The following ZNF461 variants were observed in gnomAD, a reference collection of about 807,000 sequenced individuals.
ZNF461 encodes gonadotropin-inducible ovarian transcription factor-1.
In ZNF461, 16 loss-of-function variants were observed where a neutral mutation model predicts 18.3. The observed-to-expected ratio is 0.88, with a 90% CI of 0.59 to 1.33. The LOEUF (loss-of-function observed/expected upper bound fraction) is 1.33, where lower values mean the gene tolerates loss of function less well. Among genes scored for constraint, ZNF461 ranks in the 40% most tolerant of loss-of-function variants. The pLI is 0.00. For missense variants in ZNF461, 595 were observed against 669.9 expected, an observed-to-expected ratio of 0.89 and a Z score of 1.23; for synonymous variants, 179 against 216.9, an observed-to-expected ratio of 0.83 and a Z score of 1.54.
At chr19:36,654,932 T>C (rs2037690444) in intron 4 of ZNF461, among the ~76,000 whole-genome samples, 1 of 152,174 alleles carries the variant, frequency 6.6e-6, no homozygotes, top group East Asian at 1.9e-4. Context: ...ATTGAAAACG[T>C]CTCTATAACA....
intron 1 of ZNF461, among the ~76,000 whole-genome samples, chr19:36,666,095 GTTTTTTTT>G (rs111371703): frequency 7.1e-6 from 1 of 141,432 alleles, no homozygotes; most frequent in East Asian, 2.1e-4. Context: ...ATGTTTTTTT[GTTTTTTTT>G]TTTTTGAGAC....
chr19:36,656,622 A>C, intron 3 of ZNF461, 79 bp from the exon 4 acceptor site: 1 of 1,154,644 alleles, frequency 8.7e-7, no homozygotes, highest in Non-Finnish European at 1.2e-6. Context: ...ATTAAAATAA[A>C]AATAAATCAC....
chr19:36,639,092 C>T lies in ZNF461; in HGVS notation c.1253G>A (p.Cys418Tyr), dbSNP rs2037359748. Reference sequence around the variant, plus strand: ...TAAGCCATCACAAAAAGCCTTCCCACATTCATGACATTCATAAGGTTTCTT... The same window carrying T: ...TAAGCCATCACAAAAAGCCTTCCCATATTCATGACATTCATAAGGTTTCTT... ...SGKKPYECHE[C>Y]GKAFCDGLQL... Residue 418 changes from cysteine (C) to tyrosine (Y), a missense_variant, in exon 6 of 6, where the codon TGT becomes TAT. By Grantham distance (194) the Cys-to-Tyr change is radical (BLOSUM62 -2). Coordinates refer to ENST00000588268, the MANE Select transcript of ZNF461 (RefSeq NM_153257.5). The T allele has an allele frequency of 6.2e-7, 1 of 1,613,054 alleles. No homozygotes were observed. Among genetic ancestry groups the T allele is most frequent in the Non-Finnish European group, 8.5e-7 (1 of 1,179,874 alleles).
chr19:36,639,212 A>G lies in ZNF461; in HGVS notation c.1133T>C (p.Ile378Thr). Residue 378 changes from isoleucine (I) to threonine (T), a missense_variant, in exon 6 of 6, where the codon ATT (isoleucine) becomes ACT (threonine). Physicochemically the swap from Ile to Thr is moderately conservative, Grantham distance 89. Transcript: ENST00000588268. ...TTCATAGGGTTTCTCACCAGTATGA[A>G]TTCTCTGATGTATAGTAAGATGTGA... is the stretch of plus-strand genomic sequence containing the variant. ...HRSHLTIHQR[I>T]HTGEKPYECR... is the part of the protein sequence containing the mutation. The G allele has an allele frequency of 1.2e-6, 2 of 1,614,154 alleles. No individual in the cohort carries two copies. The highest frequency in any genetic ancestry group is 1.7e-6 in the Non-Finnish European group (2 of 1,180,038).
intron 4 of ZNF461, among the ~76,000 whole-genome samples, chr19:36,646,514 C>T (rs939211671): frequency 2.2e-4 from 33 of 152,172 alleles, no homozygotes; most frequent in African/African-American, 1.2e-4. Flanking sequence ...TGATTAGATT[C>T]GTGGTGTTAT....
intron 4 of ZNF461, among the ~76,000 whole-genome samples, chr19:36,644,665 G>A (rs568571167): frequency 2.0e-5 from 3 of 151,788 alleles, no homozygotes; most frequent in East Asian, 2.0e-4. Flanking sequence ...GCGCAATCTC[G>A]GCTCACTGCG....
chr19:36,658,176 C>A, intron 3 of ZNF461, 123 bp downstream of exon 3: 1 of 1,002,944 alleles, frequency 1.0e-6, no homozygotes. Flanking sequence ...AGAGAAAATT[C>A]ATCCAGTTAT....
At chr19:36,666,446 A>G (rs2037941581) in intron 1 of ZNF461, among the ~76,000 whole-genome samples, 1 of 152,068 alleles carries the variant, frequency 6.6e-6, no homozygotes, top group East Asian at 1.9e-4. Context: ...ACAAATAGCC[A>G]TTCACAATCA....
At chr19:36,644,460 G>A (rs541424705) in intron 4 of ZNF461, among the ~76,000 whole-genome samples, 1 of 150,556 alleles carries the variant, frequency 6.6e-6, no homozygotes, top group South Asian at 2.1e-4. Flanking sequence ...GTAGAGATGG[G>A]GTTTCACCAT....
rs74313312 is a variant in ZNF461 at position 36,661,280 on chromosome 19, T to TAA, written c.10-2857_10-2856dup. On this transcript the variant is annotated intron_variant, in intron 2 of 5. Transcript: ENST00000588268. ...GAAACAGAGCATGACCCAGTCTCTT[T>TAA]AAAAAAAAAAAAGAGTACCCAATTG... 4.8e-3 allele frequency among the ~76,000 whole-genome samples: 696 copies of TAA among 145,596 alleles called. 6 individuals carry two copies. Among genetic ancestry groups the TAA allele is most frequent in the African/African-American group, 0.016 (638 of 39,558 alleles).
intron 5 of ZNF461, among the ~76,000 whole-genome samples, chr19:36,640,454 A>T (rs2037404422): frequency 6.6e-6 from 1 of 152,188 alleles, no homozygotes; most frequent in Non-Finnish European, 1.5e-5. Context: ...TTCCCTTTTT[A>T]AAAAATATCA....
chr19:36,642,285 T>C (rs2037439356), intron 5 of ZNF461, among the ~76,000 whole-genome samples: 1 of 152,176 alleles, frequency 6.6e-6, no homozygotes, highest in African/African-American at 2.4e-5. Flanking sequence ...CAGCCAGGCA[T>C]TCCTTACTTG....
chr19:36,640,330 T>G (rs555524472), intron 5 of ZNF461, among the ~76,000 whole-genome samples: 2 of 152,318 alleles, frequency 1.3e-5, no homozygotes, highest in Non-Finnish European at 2.9e-5. Flanking sequence ...TCAATCAGAA[T>G]CTAAGAGAGT....
intron 2 of ZNF461, among the ~76,000 whole-genome samples, chr19:36,662,904 A>G (rs182029120): frequency 1.3e-5 from 2 of 152,118 alleles, no homozygotes; most frequent in Admixed American, 1.3e-4. Context: ...TATAGATCTG[A>G]TACAGTATGT....
rs1266087795 is a variant in ZNF461 at position 36,658,402 on chromosome 19, C to A, written c.33G>T (p.Val11=). 6.2e-7 allele frequency: 1 copy of A among 1,610,848 alleles called. No homozygotes were observed. Among genetic ancestry groups the A allele is most frequent in the African/African-American group, 1.3e-5 (1 of 74,936 alleles). Residue 11 remains valine (V), a synonymous_variant, in exon 3 of 6, where the codon GTG becomes GTT. Coordinates refer to ENST00000588268, the MANE Select transcript of ZNF461 (RefSeq NM_153257.5). ...ATTCCTCCTGAGAGACATCTATAGC[C>A]ACATCTCTGAACATCACCAACTCCT... MAHELVMFRD[V]AIDVSQEEWE...
Position 36,643,787 on chromosome 19 carries a change from T to C in ZNF461, c.301+7A>G. The C allele has an allele frequency of 6.6e-7, 1 of 1,526,302 alleles. No homozygotes were observed. The highest frequency in any genetic ancestry group is 8.8e-7 in the Non-Finnish European group (1 of 1,137,074). The allele number at this position is 1,526,302 out of a possible 1,614,324, so 94.5% of individuals were successfully genotyped here. A position where few individuals can be genotyped will look rare whatever the true frequency, so the allele number is the denominator to read the frequency against. On this transcript the variant is annotated splice_region_variant and intron_variant, in intron 5 of 5. Transcript: ENST00000588268. ...ACTGTACTCTTAAAAACTGTATTTATTTATACCTGCATTTATGTCTGTAGC... is the reference window on the plus strand; with the variant it reads ...ACTGTACTCTTAAAAACTGTATTTACTTATACCTGCATTTATGTCTGTAGC...
At chr19:36,651,532 T>G (rs2037627915) in intron 4 of ZNF461, among the ~76,000 whole-genome samples, 1 of 152,086 alleles carries the variant, frequency 6.6e-6, no homozygotes, top group African/African-American at 2.4e-5. Flanking sequence ...AATATAGGAT[T>G]AATATATAAA....
At chr19:36,657,441 T>C (rs1466800409) in intron 3 of ZNF461, among the ~76,000 whole-genome samples, 1 of 148,820 alleles carries the variant, frequency 6.7e-6, no homozygotes, top group Non-Finnish European at 1.5e-5. Flanking sequence ...AGATATGCCA[T>C]TGCACTCTAG....
chr19:36,663,999 T>G (rs954209109), intron 2 of ZNF461, among the ~76,000 whole-genome samples: 4 of 152,198 alleles, frequency 2.6e-5, no homozygotes, highest in Non-Finnish European at 4.4e-5. Context: ...TTCCGTTACC[T>G]AGAAGAATGC....
Sources: allele counts gnomAD v4.1 joint callset (sites outside exome capture counted in the v4.1 genomes callset), GRCh38; gene constraint gnomAD v4.1.1; transcripts MANE v1.5; gene names NCBI Gene and HGNC (gene_info 2026-07-23, HGNC 2026-07-21).